SGCD: variants seen among roughly 807,000 people sequenced by gnomAD.
SGCD encodes the protein delta-sarcoglycan.
In SGCD, 18 loss-of-function variants were observed where a neutral mutation model predicts 36.6. The observed-to-expected ratio is 0.49, with a 90% CI of 0.34 to 0.73. SGCD has a LOEUF of 0.73. SGCD is among the 30% of genes least tolerant of loss of function. The pLI is 0.01. For missense variants in SGCD, 387 were observed against 346.7 expected, an observed-to-expected ratio of 1.12 and a Z score of -0.92; for synonymous variants, 133 against 130.6, an observed-to-expected ratio of 1.02 and a Z score of -0.12.
At chr5:155,755,978 A>G in the SGCD span, among the ~76,000 whole-genome samples, 1 of 152,236 alleles carries the variant, frequency 6.6e-6, no homozygotes, top group Non-Finnish European at 1.5e-5. Context: ...AATAACTTTT[A>G]TCACCTTGCT....
intron 3 of SGCD, among the ~76,000 whole-genome samples, chr5:156,495,096 G>A (rs762518058): frequency 9.9e-5 from 15 of 152,050 alleles, no homozygotes; most frequent in South Asian, 2.1e-4. Context: ...TTCCGCATGC[G>A]GTATCCACTG....
At chr5:155,909,154 G>A (rs1756581119) in intron 1 of SGCD, among the ~76,000 whole-genome samples, 1 of 152,026 alleles carries the variant, frequency 6.6e-6, no homozygotes, top group South Asian at 2.1e-4. Flanking sequence ...GCTCCAAACA[G>A]GCTCCCTGCT....
chr5:156,132,467 T>G (rs1309781361), intron 3 of SGCD, among the ~76,000 whole-genome samples: 2 of 109,474 alleles, frequency 1.8e-5, no homozygotes, highest in Non-Finnish European at 3.7e-5. Context: ...TCTTTTTTTT[T>G]TTTTTTTTTT....
chr5:156,209,735 C>T (rs1483969544), intron 3 of SGCD, among the ~76,000 whole-genome samples: 1 of 152,226 alleles, frequency 6.6e-6, no homozygotes, highest in Non-Finnish European at 1.5e-5. Flanking sequence ...TCAAGGCTGG[C>T]ACTTGTGGCC....
chr5:156,186,234 A>C lies in SGCD; in HGVS notation c.-44+62215A>C, dbSNP rs552658981. 1.6e-3 allele frequency among the ~76,000 whole-genome samples: 244 copies of C among 152,230 alleles called. 1 individual carries two copies. The highest frequency in any genetic ancestry group is 1.8e-3 in the Non-Finnish European group (122 of 68,012). On this transcript the variant is annotated intron_variant, in intron 3 of 9. Transcript: ENST00000517913. The stretch of plus-strand genomic sequence containing the variant: ...TGGTGCAAAGTGAAGGTAACATATT[A>C]ATATAAACATGGGGTGACTTCTATA...
At chr5:156,135,744 C>T (rs897903438) in intron 3 of SGCD, among the ~76,000 whole-genome samples, 7 of 152,182 alleles carry the variant, frequency 4.6e-5, no homozygotes, top group African/African-American at 1.7e-4. Context: ...GTCTGTGGAA[C>T]TGTTTCCATA....
intron 6 of SGCD, among the ~76,000 whole-genome samples, chr5:156,626,162 G>A (rs1762433016): frequency 6.6e-6 from 1 of 152,210 alleles, no homozygotes; most frequent in African/African-American, 2.4e-5. Context: ...CAGTAGGGCT[G>A]AGGTTGAGAA....
intron 1 of SGCD, among the ~76,000 whole-genome samples, chr5:155,940,956 G>A (rs1757312014): frequency 6.6e-6 from 1 of 152,038 alleles, no homozygotes; most frequent in Admixed American, 6.6e-5. Flanking sequence ...ATTTTGTGTT[G>A]TTATAGCTGA....
intron 6 of SGCD, among the ~76,000 whole-genome samples, chr5:156,635,056 C>T (rs1029112154): frequency 6.6e-6 from 1 of 151,802 alleles, no homozygotes. Context: ...AACCCTCTCT[C>T]TACAAAAAAA....
chr5:156,590,542 C>A (rs750926765), intron 5 of SGCD, among the ~76,000 whole-genome samples: 5 of 152,124 alleles, frequency 3.3e-5, no homozygotes, highest in African/African-American at 1.2e-4. Flanking sequence ...ATTTAAGCAG[C>A]GTGTGTGAAA....
intron 3 of SGCD, among the ~76,000 whole-genome samples, chr5:156,385,363 G>A (rs1245283152): frequency 6.6e-6 from 1 of 152,184 alleles, no homozygotes; most frequent in South Asian, 2.1e-4. Context: ...AGGGTTCCCT[G>A]CACATATTTT....
At chr5:155,987,348 A>C (rs578019353) in intron 1 of SGCD, among the ~76,000 whole-genome samples, 1 of 152,184 alleles carries the variant, frequency 6.6e-6, no homozygotes, top group African/African-American at 2.4e-5. Flanking sequence ...CTACCTCCAA[A>C]ATGTCTCTAA....
the SGCD span, among the ~76,000 whole-genome samples, chr5:155,799,596 A>G: frequency 7.9e-5 from 12 of 151,790 alleles, no homozygotes; most frequent in East Asian, 2.1e-3. Flanking sequence ...GGGTTTCACA[A>G]TGTTGGCCAG....
intron 7 of SGCD, among the ~76,000 whole-genome samples, chr5:156,657,498 C>A (rs377482190): frequency 1.5e-4 from 23 of 150,430 alleles, no homozygotes; most frequent in African/African-American, 5.4e-4. Flanking sequence ...TGGGGTGGCT[C>A]ATGCCTATGA....
At chr5:155,919,292 A>G (rs1756821462) in intron 1 of SGCD, among the ~76,000 whole-genome samples, 1 of 152,222 alleles carries the variant, frequency 6.6e-6, no homozygotes, top group Admixed American at 6.5e-5. Flanking sequence ...TTGAGTTACG[A>G]CATGCACATC....
chr5:156,172,992 C>T (rs1763379133), intron 3 of SGCD, among the ~76,000 whole-genome samples: 2 of 151,904 alleles, frequency 1.3e-5, no homozygotes, highest in Non-Finnish European at 2.9e-5. Context: ...ATTTTATATA[C>T]ATTAATCAGA....
intron 7 of SGCD, among the ~76,000 whole-genome samples, chr5:156,732,858 A>T (rs1756150471): frequency 6.6e-6 from 1 of 151,000 alleles, no homozygotes; most frequent in Non-Finnish European, 1.5e-5. Flanking sequence ...ATTCTAGTTC[A>T]TGAGCACAGA....
intron 3 of SGCD, among the ~76,000 whole-genome samples, chr5:156,242,510 ATTAG>A (rs1228934143): frequency 2.6e-5 from 4 of 152,202 alleles, no homozygotes; most frequent in Non-Finnish European, 5.9e-5. Context: ...AATCTGAATA[ATTAG>A]TTAGTTATAT....
chr5:156,450,564 G>T (rs1753964985), intron 3 of SGCD, among the ~76,000 whole-genome samples: 1 of 144,890 alleles, frequency 6.9e-6, no homozygotes. Flanking sequence ...AGAAAAAAAA[G>T]TTAGATTAAC....
Sources: gnomAD v4.1 joint callset for allele counts (sites outside exome capture counted in the v4.1 genomes callset) on GRCh38, gnomAD v4.1.1 for gene constraint, MANE v1.5 for transcripts, NCBI Gene and HGNC (gene_info 2026-07-23, HGNC 2026-07-21) for gene names.